Variants in MAP4K4 observed in about 807,000 individuals in gnomAD.
The protein encoded by MAP4K4 is mitogen-activated protein kinase kinase kinase kinase 4.
In MAP4K4, 38 loss-of-function variants were observed where a neutral mutation model predicts 189.6. The ratio of observed to expected loss-of-function variants is 0.20; its 90% CI spans 0.15 to 0.26. The LOEUF (loss-of-function observed/expected upper bound fraction) is 0.26, where lower values mean the gene tolerates loss of function less well. Ranked by LOEUF, MAP4K4 falls within the 10% of genes least tolerant of loss-of-function variation. MAP4K4 has a pLI of 1.00. For synonymous variants in MAP4K4, 610 were observed against 624.3 expected, an observed-to-expected ratio of 0.98 and a Z score of 0.34; for missense variants, 1,054 against 1,726.9, an observed-to-expected ratio of 0.61 and a Z score of 6.91.
At chr2:101,864,963 C>A in exon 18 of MAP4K4, 1 of 1,578,868 alleles carries the variant, frequency 6.3e-7, no homozygotes, top group Non-Finnish European at 8.6e-7. Context: ...CTCCCCTGTT[C>A]TGTCCCGTCG....
At position 101,860,487 on chromosome 2, in the gene MAP4K4, G is replaced by A. The variant is rs115270032; in HGVS notation, c.1705-338G>A. 6.6e-3 allele frequency: 1,282 copies of A among 193,612 alleles called. 11 individuals carry two copies. The highest frequency in any genetic ancestry group is 0.027 in the African/African-American group (1,148 of 42,680). 12.0% of individuals were successfully genotyped at this position (193,612 alleles called of 1,614,324 possible). ...TATTTGGTGGAGTGAAATGCATTCCGGATTTCTGATGATAGTTTTTTAGTC... is the reference window on the plus strand; with the variant it reads ...TATTTGGTGGAGTGAAATGCATTCCAGATTTCTGATGATAGTTTTTTAGTC... On this transcript the variant is annotated intron_variant, in intron 15 of 32. Coordinates refer to ENST00000324219, the Ensembl canonical transcript of MAP4K4.
At chr2:101,822,194 A>G (rs1002632094) in intron 3 of MAP4K4, among the ~76,000 whole-genome samples, 5 of 152,248 alleles carry the variant, frequency 3.3e-5, no homozygotes, top group African/African-American at 1.2e-4. Context: ...ATAGTCATTT[A>G]TTATTATGTA....
chr2:101,784,455 A>C (rs1211387509), intron 2 of MAP4K4, among the ~76,000 whole-genome samples: 2 of 152,202 alleles, frequency 1.3e-5, no homozygotes, highest in African/African-American at 4.8e-5. Context: ...ACTATTAAGC[A>C]AATATAAAGC....
At chr2:101,699,721 C>T (rs1448681246) in intron 2 of MAP4K4, among the ~76,000 whole-genome samples, 5 of 152,174 alleles carry the variant, frequency 3.3e-5, no homozygotes, top group Non-Finnish European at 5.9e-5. Context: ...TCTCCTTAGC[C>T]TAGACTTCTA....
intron 3 of MAP4K4, among the ~76,000 whole-genome samples, chr2:101,800,939 T>C (rs2094303702): frequency 6.6e-6 from 1 of 152,232 alleles, no homozygotes; most frequent in Non-Finnish European, 1.5e-5. Context: ...TTTAATTTCA[T>C]CATTTTGTGA....
At chr2:101,746,251 C>G (rs960509951) in intron 2 of MAP4K4, among the ~76,000 whole-genome samples, 2 of 150,722 alleles carry the variant, frequency 1.3e-5, no homozygotes, top group African/African-American at 4.9e-5. Context: ...CCTCCCAAAG[C>G]ACTGTGATTG....
chr2:101,786,721 T>A (rs905003515), intron 2 of MAP4K4, among the ~76,000 whole-genome samples: 28 of 152,224 alleles, frequency 1.8e-4, no homozygotes, highest in African/African-American at 6.5e-4. Context: ...GGGATCCTGC[T>A]GCCATTGTAT....
chr2:101,829,731 A>C, intron 6 of MAP4K4, 137 bp downstream of exon 6: 1 of 640,466 alleles, frequency 1.6e-6, no homozygotes, highest in South Asian at 1.8e-5. Context: ...GAATGTGGGA[A>C]CTGAGCATAT....
chr2:101,870,314 A>G, exon 23 of MAP4K4: 1 of 1,613,172 alleles, frequency 6.2e-7, no homozygotes, highest in South Asian at 1.1e-5. Flanking sequence ...GAATTTGAGC[A>G]ATGGTGAAAC....
At chr2:101,774,543 A>G (rs2083032936) in intron 2 of MAP4K4, among the ~76,000 whole-genome samples, 1 of 152,152 alleles carries the variant, frequency 6.6e-6, no homozygotes, top group South Asian at 2.1e-4. Flanking sequence ...TTACATTAGC[A>G]GTGCAAGAAG....
chr2:101,832,277 T>C (rs1006453097), intron 7 of MAP4K4, among the ~76,000 whole-genome samples: 1 of 152,204 alleles, frequency 6.6e-6, no homozygotes, highest in African/African-American at 2.4e-5. Context: ...CAAATTTATT[T>C]AAATTATTAG....
At chr2:101,850,995 A>C (rs781406346) in intron 12 of MAP4K4, among the ~76,000 whole-genome samples, 1 of 152,114 alleles carries the variant, frequency 6.6e-6, no homozygotes, top group Non-Finnish European at 1.5e-5. Context: ...TTATCAAAAT[A>C]TGTTAGTTTC....
Position 101,842,595 on chromosome 2 carries a change from C to T in MAP4K4, c.950-14C>T, listed in dbSNP as rs762320229. 10 of 1,582,768 alleles carry T rather than the reference C, an allele frequency of 6.3e-6. No homozygotes were observed. The highest frequency in any genetic ancestry group is 7.7e-6 in the Non-Finnish European group (9 of 1,161,582). ...TTGTGAACTGTCCCATTTATCTTGT[C>T]CTTTTCTTCATAGATGAAACTGAGT... On this transcript the variant is annotated splice_polypyrimidine_tract_variant and intron_variant, in intron 10 of 32. Coordinates refer to ENST00000324219, the Ensembl canonical transcript of MAP4K4.
intron 28 of MAP4K4, among the ~76,000 whole-genome samples, chr2:101,884,419 A>G (rs1445333515): frequency 1.3e-5 from 2 of 152,180 alleles, no homozygotes; most frequent in African/African-American, 4.8e-5. Flanking sequence ...ATGTTCGTTT[A>G]TTGATTTATT....
intron 2 of MAP4K4, among the ~76,000 whole-genome samples, chr2:101,742,160 A>G (rs2063121273): frequency 6.6e-6 from 1 of 151,936 alleles, no homozygotes; most frequent in South Asian, 2.1e-4. Context: ...AGAGTCCCGC[A>G]CTCTTGGGTT....
intron 2 of MAP4K4, among the ~76,000 whole-genome samples, chr2:101,704,557 A>T (rs2040976389): frequency 1.5e-5 from 1 of 67,828 alleles, no homozygotes; most frequent in African/African-American, 7.6e-5. Flanking sequence ...ATATATATAT[A>T]TATATATATA....
rs535380528 is a variant in MAP4K4 at position 101,788,116 on chromosome 2, A to G, written c.124-2604A>G. Among the ~76,000 whole-genome samples, 4 of 148,786 alleles carry G rather than the reference A, an allele frequency of 2.7e-5. No homozygotes were observed. In the East Asian group the frequency reaches 7.8e-4, roughly 29 times the overall value. On this transcript the variant is annotated intron_variant, in intron 2 of 32. Coordinates refer to ENST00000324219, the Ensembl canonical transcript of MAP4K4. ...ACTTCACCTGGCCTTTTTTTTTTTTAAATAGAGAAGTACATTATTTTAGCA... is the reference window on the plus strand; with the variant it reads ...ACTTCACCTGGCCTTTTTTTTTTTTGAATAGAGAAGTACATTATTTTAGCA...
At chr2:101,842,634 G>A in exon 11 of MAP4K4, 2 of 1,607,472 alleles carry the variant, frequency 1.2e-6, no homozygotes, top group Non-Finnish European at 1.7e-6. Context: ...AGTACAGTGG[G>A]AGTGAGGAAG....
At chr2:101,870,258 G>T (rs2150027040) in intron 22 of MAP4K4, 37 bp from the exon 23 acceptor site, 1 of 1,605,508 alleles carries the variant, frequency 6.2e-7, no homozygotes, top group Non-Finnish European at 8.5e-7. Flanking sequence ...TGACTCCAGA[G>T]ATTAAGGCCT....
Sources: allele counts gnomAD v4.1 joint callset (sites outside exome capture counted in the v4.1 genomes callset), GRCh38; gene constraint gnomAD v4.1.1; transcripts MANE v1.5; gene names NCBI Gene and HGNC (gene_info 2026-07-23, HGNC 2026-07-21).